TAF2: variants seen among roughly 807,000 people sequenced by gnomAD.
The protein encoded by TAF2 is transcription initiation factor TFIID subunit 2.
A neutral mutation model predicts 138.5 loss-of-function variants in TAF2; 61 were observed. The observed-to-expected ratio is 0.44, with a 90% confidence interval of 0.36 to 0.54. The LOEUF is 0.54. TAF2 is among the 20% of genes least tolerant of loss of function. The pLI, the probability that TAF2 is intolerant of heterozygous loss-of-function variation, is 0.00. For synonymous variants in TAF2, 475 were observed against 469.9 expected (o/e 1.01, Z -0.14); for missense variants, 1,090 against 1,427.9 (o/e 0.76, Z 3.81).
intron 18 of TAF2, among the ~76,000 whole-genome samples, chr8:119,767,337 G>A (rs1821499869): frequency 6.6e-6 from 1 of 152,136 alleles, no homozygotes; most frequent in South Asian, 2.1e-4. Flanking sequence ...AGAAGCGACG[G>A]GAATCATGGA....
chr8:119,768,482 T>A (rs1476218776), intron 18 of TAF2, among the ~76,000 whole-genome samples: 1 of 137,508 alleles, frequency 7.3e-6, no homozygotes, highest in Non-Finnish European at 1.7e-5. Context: ...TTTTTCCTCT[T>A]GGTATTGATT....
chr8:119,748,849 G>A (rs1401750961), intron 22 of TAF2, among the ~76,000 whole-genome samples: 1 of 151,986 alleles, frequency 6.6e-6, no homozygotes, highest in Non-Finnish European at 1.5e-5. Context: ...ACCCAGAGCA[G>A]CTGGCCCTGT....
intron 3 of TAF2, among the ~76,000 whole-genome samples, chr8:119,810,449 T>C (rs941687565): frequency 2.2e-4 from 33 of 152,242 alleles, no homozygotes; most frequent in Admixed American, 6.5e-5. Context: ...AAAACTGTTA[T>C]GAACATTTGT....
At chr8:119,732,935 T>C (rs1356526765) in intron 25 of TAF2, among the ~76,000 whole-genome samples, 1 of 152,114 alleles carries the variant, frequency 6.6e-6, no homozygotes, top group Non-Finnish European at 1.5e-5. Context: ...TTGAACAACA[T>C]GGGTTTGAAC....
At position 119,827,943 on chromosome 8, in the gene TAF2, C is replaced by T. The variant is rs542223836; in HGVS notation, c.138+3734G>A. Among the ~76,000 whole-genome samples the T allele has an allele frequency of 2.0e-5, 3 of 152,252 alleles. No individual in the cohort carries two copies. The East Asian group carries it at 5.8e-4, about 29-fold the overall frequency. On this transcript the variant is annotated intron_variant, in intron 2 of 25. Transcript: ENST00000378164. ...TATTTTTAGTAGAGATAGGGTTTCACTGTGTTGGCCAGGTTGGTCTCAAAC... is the reference window on the plus strand; with the variant it reads ...TATTTTTAGTAGAGATAGGGTTTCATTGTGTTGGCCAGGTTGGTCTCAAAC...
intron 15 of TAF2, among the ~76,000 whole-genome samples, chr8:119,783,846 A>G (rs748454660): frequency 1.3e-4 from 20 of 152,178 alleles, no homozygotes; most frequent in Non-Finnish European, 2.9e-4. Flanking sequence ...TGTCTGATCT[A>G]TATCAATCTT....
chr8:119,768,111 C>T (rs1318382376), intron 18 of TAF2, among the ~76,000 whole-genome samples: 6 of 152,204 alleles, frequency 3.9e-5, no homozygotes, highest in Non-Finnish European at 5.9e-5. Context: ...AACAGCAGCA[C>T]GGCCACCCTG....
chr8:119,735,862 G>A (rs151109378), intron 25 of TAF2, among the ~76,000 whole-genome samples: 130 of 152,232 alleles, frequency 8.5e-4, no homozygotes, highest in East Asian at 1.7e-3. Flanking sequence ...ATACACAGGC[G>A]GGTGATAAGA....
intron 2 of TAF2, among the ~76,000 whole-genome samples, chr8:119,830,900 G>A (rs1218211382): frequency 6.6e-6 from 1 of 152,168 alleles, no homozygotes; most frequent in Non-Finnish European, 1.5e-5. Context: ...GAGGTCAGGA[G>A]TTCGAGACCA....
At chr8:119,741,749 G>A (rs1203663391) in intron 25 of TAF2, among the ~76,000 whole-genome samples, 2 of 152,160 alleles carry the variant, frequency 1.3e-5, no homozygotes, top group Admixed American at 1.3e-4. Flanking sequence ...ATAATCAGAA[G>A]TTCACAGACT....
intron 22 of TAF2, among the ~76,000 whole-genome samples, chr8:119,752,150 A>G (rs955123394): frequency 6.2e-4 from 95 of 152,230 alleles, no homozygotes; most frequent in African/African-American, 2.2e-3. Flanking sequence ...AACTGAAAGT[A>G]TATGATTATG....
intron 19 of TAF2, among the ~76,000 whole-genome samples, 169 bp downstream of exon 19, chr8:119,762,246 T>C (rs771651307): frequency 1.3e-5 from 2 of 152,222 alleles, no homozygotes; most frequent in Non-Finnish European, 2.9e-5. Context: ...AGAAAAAATT[T>C]AGAAGGACAT....
chr8:119,805,733 T>A (rs1824585184), intron 4 of TAF2, among the ~76,000 whole-genome samples: 2 of 151,986 alleles, frequency 1.3e-5, no homozygotes, highest in South Asian at 2.1e-4. Flanking sequence ...ATTTTTTTTT[T>A]AGCTTTAAAA....
chr8:119,814,790 T>C lies in TAF2; in HGVS notation c.299+4556A>G, dbSNP rs546155370. Among the ~76,000 whole-genome samples, 297 of 145,562 alleles carry C rather than the reference T, an allele frequency of 2.0e-3. 2 individuals are homozygous for C. Among genetic ancestry groups the C allele is most frequent in the Middle Eastern group, 0.012 (3 of 260 alleles). Reference sequence around the variant, plus strand: ...CGGGTGTGGTGGTGCGTGCCTGTAGTCCCAGCTACTAGGGAAGCTGAGACA... The same window carrying C: ...CGGGTGTGGTGGTGCGTGCCTGTAGCCCCAGCTACTAGGGAAGCTGAGACA... On this transcript the variant is annotated intron_variant, in intron 3 of 25. Coordinates refer to ENST00000378164, the MANE Select transcript of TAF2 (RefSeq NM_003184.4).
In TAF2 at chr8:119,776,854, C is replaced by T. The variant is rs566074643; in HGVS notation, c.2364+1165G>A. On this transcript the variant is annotated intron_variant, in intron 18 of 25. Transcript: ENST00000378164. ...TGAGGGTCACTACTTCTATACAAAA[C>T]TTCCCTGAGTCTCTCCCTACATCCT... Among the ~76,000 whole-genome samples the T allele has an allele frequency of 7.2e-5, 11 of 152,150 alleles. No homozygotes were observed. The South Asian group carries it at 1.9e-3, about 26-fold the overall frequency.
rs1164470917 is a variant in TAF2, at chr8:119,731,629, G to A, written c.*295C>T. Reference sequence around the variant, plus strand: ...TACACATGGAGACCATGATGCGAACGGGGACTGCCAGTGGATATGAGGGCT... The same window carrying A: ...TACACATGGAGACCATGATGCGAACAGGGACTGCCAGTGGATATGAGGGCT... On this transcript the variant is annotated 3_prime_UTR_variant, in exon 26 of 26. Transcript: ENST00000378164. 1.2e-5 allele frequency: 5 copies of A among 409,542 alleles called. No individual in the cohort carries two copies. The highest frequency in any genetic ancestry group is 3.7e-5 in the Admixed American group (1 of 27,138). The allele number at this position is 409,542 out of a possible 1,614,324, so 25.4% of individuals were successfully genotyped here.
At chr8:119,829,580 T>C (rs527778336) in intron 2 of TAF2, among the ~76,000 whole-genome samples, 34 of 152,130 alleles carry the variant, frequency 2.2e-4, no homozygotes, top group Middle Eastern at 3.4e-3. Context: ...CACATACATA[T>C]ATGTATATCT....
At position 119,779,249 on chromosome 8, in the gene TAF2, G is replaced by GACACACACACAC. The variant is rs10636618; in HGVS notation, c.2254-1132_2254-1121dup. ...AAATACATTTTGTAACACAACCTAA[G>GACACACACACAC]ACACACACACACACACACACACACA... On this transcript the variant is annotated intron_variant, in intron 17 of 25. Coordinates refer to ENST00000378164, the MANE Select transcript of TAF2 (RefSeq NM_003184.4). 2.8e-3 allele frequency among the ~76,000 whole-genome samples: 415 copies of GACACACACACAC among 147,372 alleles called. 1 individual carries two copies. The South Asian group carries it at 0.03, about 11-fold the overall frequency.
chr8:119,755,710 T>C lies in TAF2; in HGVS notation c.2878+296A>G, dbSNP rs554475076. The stretch of plus-strand genomic sequence containing the variant: ...GTGAGACTTACTTTTCACTCCTTTG[T>C]AACTTTCTGAAATAATAATAATACT... On this transcript the variant is annotated intron_variant, in intron 22 of 25. Transcript: ENST00000378164. Among the ~76,000 whole-genome samples, 414 of 152,252 alleles carry C rather than the reference T, an allele frequency of 2.7e-3. 1 individual carries two copies. The highest frequency in any genetic ancestry group is 4.4e-3 in the Non-Finnish European group (301 of 68,004).
Sources: gnomAD v4.1 joint callset for allele counts (sites outside exome capture counted in the v4.1 genomes callset) on GRCh38, gnomAD v4.1.1 for gene constraint, MANE v1.5 for transcripts, NCBI Gene and HGNC (gene_info 2026-07-23, HGNC 2026-07-21) for gene names.